Variants in ROBO1 observed in about 807,000 individuals in gnomAD.
ROBO1 encodes roundabout guidance receptor 1, also known as roundabout homolog 1.
A neutral mutation model predicts 195.9 loss-of-function variants in ROBO1; 149 were observed. The ratio of observed to expected loss-of-function variants is 0.76; its 90% CI spans 0.67 to 0.87. The LOEUF is 0.87. Ranked by LOEUF, ROBO1 falls within the 40% of genes least tolerant of loss-of-function variation. ROBO1 has a pLI of 0.00. For missense variants in ROBO1, 1,933 were observed against 2,068.3 expected, an observed-to-expected ratio of 0.93 and a Z score of 1.27; for synonymous variants, 816 against 733.2, an observed-to-expected ratio of 1.11 and a Z score of -1.82.
Position 79,595,402 on chromosome 3 carries a change from A to G in ROBO1, c.-50-5441T>C, listed in dbSNP as rs1286864249. Among the ~76,000 whole-genome samples the G allele has an allele frequency of 2.6e-5, 4 of 152,046 alleles. No homozygotes were observed. The South Asian group carries it at 8.3e-4, about 31-fold the overall frequency. Reference sequence around the variant, plus strand: ...ACATAAGAGAACACCTACATTTCCAAAATTTATCAGTGCACGACACCTATT... The same window carrying G: ...ACATAAGAGAACACCTACATTTCCAGAATTTATCAGTGCACGACACCTATT... On this transcript the variant is annotated intron_variant, in intron 1 of 30. Transcript: ENST00000464233.
chr3:78,713,076 T>C (rs190979941), intron 8 of ROBO1, among the ~76,000 whole-genome samples: 1 of 152,314 alleles, frequency 6.6e-6, no homozygotes, highest in Admixed American at 6.5e-5. Context: ...TCTGTAAATG[T>C]GAAGAGGTTT....
chr3:79,510,581 G>C (rs1325736287), intron 2 of ROBO1, among the ~76,000 whole-genome samples: 1 of 144,790 alleles, frequency 6.9e-6, no homozygotes, highest in African/African-American at 2.5e-5. Flanking sequence ...GGGTCAAGTT[G>C]GAGGATATTT....
chr3:78,831,087 A>T (rs181520962), intron 4 of ROBO1, among the ~76,000 whole-genome samples: 3,071 of 151,582 alleles, frequency 0.02, 111 homozygotes, highest in African/African-American at 0.07. Flanking sequence ...TAATTTTTCT[A>T]TTTTTAGTAG....
chr3:79,725,224 T>TTC (rs386397160), intron 1 of ROBO1, among the ~76,000 whole-genome samples: 6 of 18,304 alleles, frequency 3.3e-4, no homozygotes, highest in South Asian at 2.1e-3. Flanking sequence ...TCTCTTCTTC[T>TTC]TTTTTTTTTT....
At chr3:79,731,255 T>G (rs1422703205) in intron 1 of ROBO1, among the ~76,000 whole-genome samples, 1 of 152,182 alleles carries the variant, frequency 6.6e-6, no homozygotes, top group African/African-American at 2.4e-5. Flanking sequence ...TTTTTCTAAA[T>G]GAGATGCTTA....
At chr3:79,565,763 T>G (rs1943069791) in intron 2 of ROBO1, among the ~76,000 whole-genome samples, 1 of 152,070 alleles carries the variant, frequency 6.6e-6, no homozygotes, top group Non-Finnish European at 1.5e-5. Flanking sequence ...AGGATACTTT[T>G]GAATGTAAAG....
intron 1 of ROBO1, among the ~76,000 whole-genome samples, chr3:79,762,817 A>G (rs1439837248): frequency 2.0e-5 from 3 of 152,192 alleles, no homozygotes; most frequent in African/African-American, 7.2e-5. Context: ...CTTGTTGCAC[A>G]TGACTTCAAA....
chr3:79,314,565 C>G (rs2033647100), intron 2 of ROBO1, among the ~76,000 whole-genome samples: 1 of 152,220 alleles, frequency 6.6e-6, no homozygotes, highest in South Asian at 2.1e-4. Context: ...AATTAAGCCT[C>G]TTTCCTTTAT....
intron 4 of ROBO1, among the ~76,000 whole-genome samples, chr3:78,798,777 G>T (rs1055119876): frequency 2.6e-5 from 4 of 152,198 alleles, no homozygotes; most frequent in Admixed American, 2.6e-4. Flanking sequence ...AAACTTCCAT[G>T]AAGAGTAGTT....
In ROBO1 at chr3:79,426,514, C is replaced by T. The variant is rs572909549; in HGVS notation, c.88+163310G>A. Reference sequence around the variant, plus strand: ...CCTCCCAATTAGCTGGGATTACAGGCACCCACCATCATGTCTGGCTAATTT... The same window carrying T: ...CCTCCCAATTAGCTGGGATTACAGGTACCCACCATCATGTCTGGCTAATTT... On this transcript the variant is annotated intron_variant, in intron 2 of 30. Coordinates refer to ENST00000464233, the MANE Select transcript of ROBO1 (RefSeq NM_002941.4). Among the ~76,000 whole-genome samples, 4 of 152,180 alleles carry T rather than the reference C, an allele frequency of 2.6e-5. No homozygotes were observed. In the East Asian group the frequency reaches 7.8e-4, roughly 30 times the overall value.
chr3:79,493,859 A>T (rs927794260), intron 2 of ROBO1, among the ~76,000 whole-genome samples: 1 of 152,264 alleles, frequency 6.6e-6, no homozygotes, highest in East Asian at 1.9e-4. Flanking sequence ...CATTCCAGTG[A>T]TACTGCCTCA....
intron 2 of ROBO1, among the ~76,000 whole-genome samples, chr3:79,127,018 A>G (rs2108576295): frequency 6.6e-6 from 1 of 152,226 alleles, no homozygotes; most frequent in South Asian, 2.1e-4. Context: ...AAAAAAAAAA[A>G]AAAAGTTAAG....
intron 14 of ROBO1, among the ~76,000 whole-genome samples, chr3:78,667,275 T>TA (rs956502057): frequency 3.3e-4 from 50 of 152,276 alleles, no homozygotes; most frequent in African/African-American, 1.2e-3. Flanking sequence ...CACATATTTT[T>TA]AAAATTTATG....
At chr3:79,507,173 C>T (rs781049762) in intron 2 of ROBO1, among the ~76,000 whole-genome samples, 15 of 152,156 alleles carry the variant, frequency 9.9e-5, no homozygotes, top group African/African-American at 2.9e-4. Context: ...GAGTGAGGAG[C>T]ATGATGATGT....
At chr3:78,775,098 T>G (rs1163354232) in intron 4 of ROBO1, among the ~76,000 whole-genome samples, 1 of 152,240 alleles carries the variant, frequency 6.6e-6, no homozygotes, top group African/African-American at 2.4e-5. Flanking sequence ...TATGTGCACA[T>G]ATTCCCTTGT....
chr3:79,721,028 G>C (rs1054820444), intron 1 of ROBO1, among the ~76,000 whole-genome samples: 1 of 152,104 alleles, frequency 6.6e-6, no homozygotes, highest in African/African-American at 2.4e-5. Flanking sequence ...TCCTGACCTC[G>C]TGATCCACCC....
chr3:79,423,670 C>G (rs2038326129), intron 2 of ROBO1, among the ~76,000 whole-genome samples: 2 of 152,028 alleles, frequency 1.3e-5, no homozygotes, highest in Non-Finnish European at 2.9e-5. Flanking sequence ...AACTGTAAGT[C>G]AGCATACCAG....
chr3:79,420,572 T>C (rs1417995648), intron 2 of ROBO1, among the ~76,000 whole-genome samples: 2 of 152,166 alleles, frequency 1.3e-5, no homozygotes, highest in African/African-American at 4.8e-5. Context: ...TCCATTTGTG[T>C]GTGACTTTGG....
At chr3:79,673,356 T>TA (rs1446804676) in intron 1 of ROBO1, among the ~76,000 whole-genome samples, 3 of 151,784 alleles carry the variant, frequency 2.0e-5, no homozygotes, top group African/African-American at 7.3e-5. Context: ...GTATAATTTT[T>TA]AGATCGTAAC....
Sources: gnomAD v4.1 joint callset for allele counts (sites outside exome capture counted in the v4.1 genomes callset) on GRCh38, gnomAD v4.1.1 for gene constraint, MANE v1.5 for transcripts, NCBI Gene and HGNC (gene_info 2026-07-23, HGNC 2026-07-21) for gene names.